DLGAP2: variants seen among roughly 807,000 people sequenced by gnomAD.
The protein encoded by DLGAP2 is DLG associated protein 2.
Under a neutral mutation model 100.3 loss-of-function variants are expected in DLGAP2, and 26 were observed. That is an observed-to-expected ratio of 0.26 (90% CI 0.19 to 0.36). The LOEUF (loss-of-function observed/expected upper bound fraction) is 0.36. Among genes scored for constraint, DLGAP2 ranks in the 10% least tolerant of loss-of-function variants. DLGAP2 has a pLI of 1.00. For missense variants in DLGAP2, 1,858 were observed against 1,453.2 expected, an observed-to-expected ratio of 1.28 and a Z score of -4.53; for synonymous variants, 886 against 630.1, an observed-to-expected ratio of 1.41 and a Z score of -6.08.
At chr8:1,485,017 G>T (rs1799201621) in intron 3 of DLGAP2, among the ~76,000 whole-genome samples, 1 of 152,154 alleles carries the variant, frequency 6.6e-6, no homozygotes, top group Non-Finnish European at 1.5e-5. Flanking sequence ...CTGCAATGAG[G>T]ATGAAAATTT....
At chr8:1,354,089 A>G (rs1036855644) in intron 3 of DLGAP2, among the ~76,000 whole-genome samples, 66 of 152,352 alleles carry the variant, frequency 4.3e-4, no homozygotes, top group Admixed American at 3.7e-3. Context: ...CAGAAGCCTT[A>G]AAAATATTCA....
chr8:1,364,602 C>G (rs183155008), intron 3 of DLGAP2, among the ~76,000 whole-genome samples: 18 of 152,276 alleles, frequency 1.2e-4, no homozygotes, highest in Admixed American at 1.1e-3. Context: ...CAGGGGCCGG[C>G]GTGCCGCCTC....
At chr8:1,224,710 C>T (rs997021663) in intron 2 of DLGAP2, among the ~76,000 whole-genome samples, 2 of 152,234 alleles carry the variant, frequency 1.3e-5, no homozygotes, top group African/African-American at 4.8e-5. Flanking sequence ...ATTATAGTGT[C>T]TATAATAGTT....
intron 10 of DLGAP2, among the ~76,000 whole-genome samples, chr8:1,674,563 T>TA (rs1798765688): frequency 6.6e-6 from 1 of 152,236 alleles, no homozygotes; most frequent in Non-Finnish European, 1.5e-5. Context: ...TCCACATTTT[T>TA]ATGATAAAAA....
intron 4 of DLGAP2, among the ~76,000 whole-genome samples, chr8:1,506,122 G>C (rs1028611987): frequency 6.6e-6 from 1 of 152,158 alleles, no homozygotes; most frequent in Non-Finnish European, 1.5e-5. Flanking sequence ...ACATCAGCTA[G>C]CATAGCTTTA....
intron 2 of DLGAP2, among the ~76,000 whole-genome samples, chr8:1,075,064 G>A (rs548044011): frequency 6.6e-6 from 1 of 152,248 alleles, no homozygotes; most frequent in African/African-American, 2.4e-5. Flanking sequence ...CGGGGGGTGG[G>A]GACCACGGTG....
chr8:1,690,760 G>GTAGAT (rs1799240172), intron 12 of DLGAP2, among the ~76,000 whole-genome samples: 1 of 146,908 alleles, frequency 6.8e-6, no homozygotes, highest in African/African-American at 2.5e-5. Context: ...TAAAGTCATT[G>GTAGAT]CAATTAGGAA....
chr8:757,991 G>A (rs958056634), intron 1 of DLGAP2, among the ~76,000 whole-genome samples: 10 of 152,158 alleles, frequency 6.6e-5, no homozygotes, highest in African/African-American at 2.4e-4. Flanking sequence ...CTGCCTTTGA[G>A]CAGTGAGGAC....
intron 3 of DLGAP2, among the ~76,000 whole-genome samples, chr8:1,327,885 C>T (rs1801058702): frequency 2.0e-5 from 3 of 152,076 alleles, no homozygotes; most frequent in African/African-American, 4.8e-5. Flanking sequence ...TAAATGAATC[C>T]ATTCTCCACT....
At chr8:1,594,338 G>T (rs1041924425) in intron 6 of DLGAP2, among the ~76,000 whole-genome samples, 11 of 152,022 alleles carry the variant, frequency 7.2e-5, no homozygotes, top group African/African-American at 2.7e-4. Context: ...TGCCCCCTAA[G>T]GTCAAGAGAA....
chr8:800,227 G>C (rs1261811131), intron 1 of DLGAP2, among the ~76,000 whole-genome samples: 1 of 152,210 alleles, frequency 6.6e-6, no homozygotes, highest in African/African-American at 2.4e-5. Context: ...TTGTGCGGCA[G>C]AATCATCAGT....
chr8:1,057,030 C>G (rs181401074), intron 2 of DLGAP2, among the ~76,000 whole-genome samples: 2 of 152,184 alleles, frequency 1.3e-5, no homozygotes, highest in African/African-American at 4.8e-5. Flanking sequence ...ATGGACCCAC[C>G]AGAATAATCC....
In DLGAP2 at chr8:1,454,639, C is replaced by A. The variant is rs559124020; in HGVS notation, c.107-46727C>A. 1.3e-4 allele frequency among the ~76,000 whole-genome samples: 20 copies of A among 152,266 alleles called. No individual in the cohort carries two copies. The East Asian group carries it at 1.7e-3, about 13-fold the overall frequency. On this transcript the variant is annotated intron_variant, in intron 3 of 14. Coordinates refer to ENST00000637795, the MANE Select transcript of DLGAP2 (RefSeq NM_001346810.2). ...ACATTTCCGAGCTCCATTCCAGGGGCTGGATATTTCCAAAAACTCAAAGGA... is the reference window on the plus strand; with the variant it reads ...ACATTTCCGAGCTCCATTCCAGGGGATGGATATTTCCAAAAACTCAAAGGA...
intron 1 of DLGAP2, among the ~76,000 whole-genome samples, chr8:889,266 G>C (rs1797986385): frequency 6.6e-6 from 1 of 152,222 alleles, no homozygotes; most frequent in Non-Finnish European, 1.5e-5. Flanking sequence ...TGATGGCTTA[G>C]CTTGGGCTCA....
chr8:1,253,556 G>T (rs1799099924), intron 2 of DLGAP2, among the ~76,000 whole-genome samples: 1 of 152,228 alleles, frequency 6.6e-6, no homozygotes, highest in Admixed American at 6.5e-5. Context: ...TTTTCTAGGA[G>T]ATTAAAATAA....
At chr8:1,079,238 T>C (rs998314258) in intron 2 of DLGAP2, among the ~76,000 whole-genome samples, 1 of 152,198 alleles carries the variant, frequency 6.6e-6, no homozygotes, top group African/African-American at 2.4e-5. Flanking sequence ...TATTTTTTAA[T>C]TGGATTGTTT....
chr8:1,586,939 A>T (rs1563239386), intron 6 of DLGAP2, among the ~76,000 whole-genome samples: 1 of 152,130 alleles, frequency 6.6e-6, no homozygotes, highest in African/African-American at 2.4e-5. Flanking sequence ...AGCTAAGGAG[A>T]TTCTGACTAG....
chr8:1,651,906 G>A (rs1482262423), intron 8 of DLGAP2, among the ~76,000 whole-genome samples: 1 of 152,182 alleles, frequency 6.6e-6, no homozygotes, highest in Non-Finnish European at 1.5e-5. Context: ...ACATTCCTCA[G>A]CGCCAGCCAG....
At chr8:1,415,435 A>T (rs779020046) in intron 3 of DLGAP2, among the ~76,000 whole-genome samples, 3 of 150,352 alleles carry the variant, frequency 2.0e-5, no homozygotes, top group Admixed American at 6.8e-5. Flanking sequence ...ACAGCACCCA[A>T]TGGGCAGTGT....
Sources: gnomAD v4.1 joint callset for allele counts (sites outside exome capture counted in the v4.1 genomes callset) on GRCh38, gnomAD v4.1.1 for gene constraint, MANE v1.5 for transcripts, NCBI Gene and HGNC (gene_info 2026-07-23, HGNC 2026-07-21) for gene names.